HSD17B14: variants seen among roughly 807,000 people sequenced by gnomAD.
HSD17B14 encodes L-fucose dehydrogenase.
Under a neutral mutation model 32.2 loss-of-function variants are expected in HSD17B14, and 32 were observed. That is an observed-to-expected ratio of 0.99 (90% CI 0.75 to 1.33). The LOEUF (loss-of-function observed/expected upper bound fraction) is 1.33. Among genes scored for constraint, HSD17B14 ranks in the 40% most tolerant of loss-of-function variants. The probability of loss-of-function intolerance (pLI) is 0.00; values close to 1 mark genes in which losing one functional copy is unlikely to be tolerated. For missense variants in HSD17B14, 370 were observed against 366.5 expected, an observed-to-expected ratio of 1.01 and a Z score of -0.08; for synonymous variants, 140 against 155.4, an observed-to-expected ratio of 0.90 and a Z score of 0.74.
chr19:48,821,470 G>C (rs1280172908), intron 5 of HSD17B14, among the ~76,000 whole-genome samples: 1 of 152,122 alleles, frequency 6.6e-6, no homozygotes, highest in Non-Finnish European at 1.5e-5. Context: ...CCTAGCCTAG[G>C]GAGTCACAAA....
intron 4 of HSD17B14, 54 bp downstream of exon 4, chr19:48,832,611 GA>G: frequency 6.7e-7 from 1 of 1,484,896 alleles, no homozygotes; most frequent in South Asian, 1.2e-5. Flanking sequence ...TGACGTGCAG[GA>G]AACAGAGTTG....
intron 5 of HSD17B14, among the ~76,000 whole-genome samples, chr19:48,828,208 A>G (rs2035283054): frequency 6.6e-6 from 1 of 152,188 alleles, no homozygotes; most frequent in African/African-American, 2.4e-5. Context: ...GGTGATTACA[A>G]AAGTTGTTCA....
At chr19:48,835,878 C>G in intron 1 of HSD17B14, 35 bp from the exon 2 acceptor site, 1 of 1,609,996 alleles carries the variant, frequency 6.2e-7, no homozygotes, top group Non-Finnish European at 8.5e-7. Context: ...ACTCTCCGAG[C>G]CTTGGTTAAA....
intron 5 of HSD17B14, among the ~76,000 whole-genome samples, chr19:48,822,172 GTGA>G (rs557843390): frequency 4.0e-5 from 6 of 151,010 alleles, no homozygotes; most frequent in East Asian, 2.0e-4. Flanking sequence ...AGTGTTGATG[GTGA>G]TGATGGTGGT....
At position 48,813,705 on chromosome 19, in the gene HSD17B14, G is replaced by A. The variant is rs1003695597; in HGVS notation, c.500C>T (p.Ala167Val). The change falls in exon 7 of 9, where the codon GCT becomes GTT. Residue 167 changes from alanine to valine, a missense_variant. Physicochemically the swap from Ala to Val is moderately conservative, Grantham distance 64. Coordinates refer to ENST00000263278, the MANE Select transcript of HSD17B14 (RefSeq NM_016246.3). ...ATATGGACTTTCATCCAGGGCCAAAGCTTTGGTCATGGCTGTTACTGCCCC... is the reference window on the plus strand; with the variant it reads ...ATATGGACTTTCATCCAGGGCCAAAACTTTGGTCATGGCTGTTACTGCCCC... ...TKGAVTAMTK[A>V]LALDESPYGV... 1 of 1,614,196 alleles carries A rather than the reference G, an allele frequency of 6.2e-7. No individual in the cohort carries two copies. The highest frequency in any genetic ancestry group is 8.5e-7 in the Non-Finnish European group (1 of 1,180,040).
intron 3 of HSD17B14, among the ~76,000 whole-genome samples, chr19:48,833,036 C>A (rs895089280): frequency 6.6e-6 from 1 of 151,504 alleles, no homozygotes; most frequent in Non-Finnish European, 1.5e-5. Flanking sequence ...ATTACAGGTA[C>A]CACGCCCAGC....
intron 2 of HSD17B14, among the ~76,000 whole-genome samples, chr19:48,835,072 G>A (rs1348001264): frequency 1.3e-3 from 2 of 1,536 alleles, no homozygotes; most frequent in African/African-American, 5.5e-3. Flanking sequence ...TGAGGGAGGA[G>A]GTGCTGGGAG....
Position 48,813,225 on chromosome 19 carries a change from ACC to A in HSD17B14, c.761_762del (p.Gly254ValfsTer49). ...LVTGGAELGY[G>X]CKASRSTPVD... Reference sequence around the variant, plus strand: ...ACGGGGGTGCTCCGACTGGCCTTGCACCCGTACCCCAGCTCTGCACCCCCCGT... The same window carrying A: ...ACGGGGGTGCTCCGACTGGCCTTGCACGTACCCCAGCTCTGCACCCCCCGT... On this transcript the variant is annotated frameshift_variant, in exon 9 of 9. Transcript: ENST00000263278. LOFTEE classifies it low-confidence loss of function (END_TRUNC). 3 of 1,611,438 alleles carry A rather than the reference ACC, an allele frequency of 1.9e-6. No individual in the cohort carries two copies. Among genetic ancestry groups the A allele is most frequent in the Non-Finnish European group, 2.5e-6 (3 of 1,179,160 alleles).
At chr19:48,826,826 C>T (rs2122778683) in intron 5 of HSD17B14, among the ~76,000 whole-genome samples, 1 of 151,934 alleles carries the variant, frequency 6.6e-6, no homozygotes, top group Non-Finnish European at 1.5e-5. Flanking sequence ...ACTCTTGCTC[C>T]CCTGAGTTCC....
In HSD17B14 at chr19:48,821,370, CCT is replaced by C. The variant is rs763790114; in HGVS notation, c.370-6231_370-6230del. On this transcript the variant is annotated intron_variant, in intron 5 of 8. Coordinates refer to ENST00000263278, the MANE Select transcript of HSD17B14 (RefSeq NM_016246.3). ...GCTCTGAGAGACTACAACTGAAACCCCTGTGTTCAACACCTTCTGTGGATCCC... is the reference window on the plus strand; with the variant it reads ...GCTCTGAGAGACTACAACTGAAACCCGTGTTCAACACCTTCTGTGGATCCC... Among the ~76,000 whole-genome samples the C allele has an allele frequency of 9.5e-4, 145 of 152,252 alleles. 1 individual carries two copies. Among genetic ancestry groups the C allele is most frequent in the Non-Finnish European group, 3.2e-4 (22 of 68,018 alleles).
chr19:48,826,433 G>A (rs550330108), intron 5 of HSD17B14, among the ~76,000 whole-genome samples: 1 of 143,360 alleles, frequency 7.0e-6, no homozygotes, highest in African/African-American at 2.6e-5. Flanking sequence ...AGTCAAGGTT[G>A]TGGTGAGCCG....
At chr19:48,826,542 T>TATATACACACACAC in intron 5 of HSD17B14, among the ~76,000 whole-genome samples, 8 of 80,118 alleles carry the variant, frequency 1.0e-4, no homozygotes, top group African/African-American at 4.2e-4. Context: ...TATATATATA[T>TATATACACACACAC]ACACACACAC....
intron 5 of HSD17B14, among the ~76,000 whole-genome samples, chr19:48,829,724 A>C (rs538611638): frequency 7.0e-6 from 1 of 143,556 alleles, no homozygotes; most frequent in African/African-American, 2.7e-5. Context: ...GCTCACTGCA[A>C]CCTCTGCCTC....
intron 5 of HSD17B14, 37 bp downstream of exon 5, chr19:48,831,631 G>T: frequency 7.1e-7 from 1 of 1,402,630 alleles, no homozygotes; most frequent in Non-Finnish European, 1.0e-6. Flanking sequence ...CTATCAGGAG[G>T]CTGCTCGGGC....
chr19:48,820,302 T>C (rs2035124809), intron 5 of HSD17B14, among the ~76,000 whole-genome samples: 2 of 151,866 alleles, frequency 1.3e-5, no homozygotes, highest in African/African-American at 4.8e-5. Context: ...GGTGAAACCC[T>C]GTCTCTGCTA....
At position 48,813,218 on chromosome 19, in the gene HSD17B14, G is replaced by T. The variant is rs1568515387; in HGVS notation, c.770C>A (p.Ala257Asp). ...GGCGTCCACGGGGGTGCTCCGACTG[G>T]CCTTGCACCCGTACCCCAGCTCTGC... Reference protein sequence around the residue: ...GGAELGYGCKASRSTPVDAPD... With the variant: ...GGAELGYGCKDSRSTPVDAPD... The change falls in exon 9 of 9, where the codon GCC becomes GAC. Residue 257 changes from alanine (A) to aspartate (D), a missense_variant. Coordinates refer to ENST00000263278, the MANE Select transcript of HSD17B14 (RefSeq NM_016246.3). The T allele has an allele frequency of 6.2e-7, 1 of 1,611,246 alleles. No homozygotes were observed. Among genetic ancestry groups the T allele is most frequent in the East Asian group, 2.2e-5 (1 of 44,840 alleles).
At chr19:48,831,383 T>C (rs1017505955) in intron 5 of HSD17B14, among the ~76,000 whole-genome samples, 2 of 151,942 alleles carry the variant, frequency 1.3e-5, no homozygotes, top group Non-Finnish European at 2.9e-5. Flanking sequence ...GTCAGAAGCA[T>C]AGCTACCAAA....
At chr19:48,821,246 C>T (rs1361037384) in intron 5 of HSD17B14, among the ~76,000 whole-genome samples, 4 of 152,068 alleles carry the variant, frequency 2.6e-5, no homozygotes, top group Middle Eastern at 3.2e-3. Context: ...ATCTCCCGAC[C>T]TCGTGATCCA....
At chr19:48,818,891 C>T (rs1409718804) in intron 5 of HSD17B14, among the ~76,000 whole-genome samples, 1 of 152,158 alleles carries the variant, frequency 6.6e-6, no homozygotes. Context: ...GCAATGAGGC[C>T]AGTGTGGCCG....
Sources: gnomAD v4.1 joint callset for allele counts (sites outside exome capture counted in the v4.1 genomes callset) on GRCh38, gnomAD v4.1.1 for gene constraint, MANE v1.5 for transcripts, NCBI Gene and HGNC (gene_info 2026-07-23, HGNC 2026-07-21) for gene names.